Variants in PCDHA3 observed in about 807,000 individuals in gnomAD.
PCDHA3 encodes the protein protocadherin alpha-3.
A neutral mutation model predicts 62.2 loss-of-function variants in PCDHA3; 41 were observed. The observed-to-expected ratio is 0.66, with a 90% confidence interval of 0.51 to 0.86. PCDHA3 has a LOEUF of 0.86. PCDHA3 is among the 40% of genes least tolerant of loss of function. The pLI, the probability that PCDHA3 is intolerant of heterozygous loss-of-function variation, is 0.00. For missense variants in PCDHA3, 1,304 were observed against 1,241.2 expected (o/e 1.05, Z -0.76); for synonymous variants, 640 against 555.4 (o/e 1.15, Z -2.14).
intron 1 of PCDHA3, chr5:140,966,570 G>A: frequency 2.0e-6 from 1 of 501,774 alleles, no homozygotes; most frequent in Non-Finnish European, 3.3e-6. Context: ...GGAATATGGG[G>A]AGTCAGCGAG....
At position 140,897,620 on chromosome 5, in the gene PCDHA3, A is replaced by G. The variant is rs1317464980; in HGVS notation, c.2395-81329A>G. On this transcript the variant is annotated intron_variant, in intron 1 of 3. Coordinates refer to ENST00000522353, the MANE Select transcript of PCDHA3 (RefSeq NM_018906.3). Reference sequence around the variant, plus strand: ...ACATTTGGGTTGGTTCCAAGTCTTTACTATTGTGTATAGTGCCACAATAAA... The same window carrying G: ...ACATTTGGGTTGGTTCCAAGTCTTTGCTATTGTGTATAGTGCCACAATAAA... Among the ~76,000 whole-genome samples, 1,214 of 152,126 alleles carry G rather than the reference A, an allele frequency of 8.0e-3. 6 individuals are homozygous for G. The highest frequency in any genetic ancestry group is 0.019 in the African/African-American group (783 of 41,492).
At chr5:140,922,888 C>A (rs1584282377) in intron 1 of PCDHA3, among the ~76,000 whole-genome samples, 1 of 152,236 alleles carries the variant, frequency 6.6e-6, no homozygotes, top group South Asian at 2.1e-4. Flanking sequence ...AGACATCATT[C>A]AAGAAAAAAT....
At chr5:140,876,058 C>G in intron 1 of PCDHA3, 4 of 1,613,868 alleles carry the variant, frequency 2.5e-6, no homozygotes, top group Non-Finnish European at 3.4e-6. Flanking sequence ...TGAATTAGTT[C>G]TTCGGAAGTT....
At chr5:140,822,474 T>A in intron 1 of PCDHA3, 2 of 1,613,832 alleles carry the variant, frequency 1.2e-6, no homozygotes, top group South Asian at 2.2e-5. Context: ...ATGTATTGGA[T>A]GCTAATGATA....
At chr5:140,831,961 A>G (rs1331979824) in intron 1 of PCDHA3, among the ~76,000 whole-genome samples, 1 of 152,176 alleles carries the variant, frequency 6.6e-6, no homozygotes, top group Non-Finnish European at 1.5e-5. Flanking sequence ...ACTTTATGTC[A>G]TTTTATGCTA....
At chr5:140,829,853 G>GGCCAA (rs1554132325) in intron 1 of PCDHA3, 1 of 1,613,852 alleles carries the variant, frequency 6.2e-7, no homozygotes, top group East Asian at 2.2e-5. Context: ...ACTGGGTGCA[G>GGCCAA]GCCAAGTGGT....
chr5:141,006,405 C>A (rs782532612), intron 3 of PCDHA3, among the ~76,000 whole-genome samples: 1 of 151,798 alleles, frequency 6.6e-6, no homozygotes, highest in Non-Finnish European at 1.5e-5. Context: ...AGTAGAGACG[C>A]GGTTTCACTG....
chr5:140,973,815 A>C (rs2096603789), intron 1 of PCDHA3, among the ~76,000 whole-genome samples: 1 of 152,224 alleles, frequency 6.6e-6, no homozygotes, highest in African/African-American at 2.4e-5. Flanking sequence ...CAGAATAGCA[A>C]AGTCAGTTCT....
chr5:140,891,861 T>C (rs1346164388), intron 1 of PCDHA3, among the ~76,000 whole-genome samples: 1 of 152,174 alleles, frequency 6.6e-6, no homozygotes, highest in Non-Finnish European at 1.5e-5. Context: ...GTCCCTCTCT[T>C]ATGCTTTTGG....
Position 140,801,794 on chromosome 5 carries a change from T to A in PCDHA3, c.597T>A (p.Asn199Lys), listed in dbSNP as rs1439840316. Residue 199 changes from asparagine (N) to lysine (K), a missense_variant, in exon 1 of 4, where the codon AAT becomes AAA. Transcript: ENST00000522353. ...CCCTTGGACTCGTGTTGAAAAAAAATTTAAATCGAGAGGACACTCCTAAGC... is the reference window on the plus strand; with the variant it reads ...CCCTTGGACTCGTGTTGAAAAAAAAATTAAATCGAGAGGACACTCCTAAGC... ...IKSLGLVLKK[N>K]LNREDTPKHY... 2.5e-6 allele frequency: 4 copies of A among 1,613,862 alleles called. No homozygotes were observed. The highest frequency in any genetic ancestry group is 3.4e-6 in the Non-Finnish European group (4 of 1,179,976).
At chr5:140,858,437 G>C (rs1343643925) in intron 1 of PCDHA3, 1 of 1,541,950 alleles carries the variant, frequency 6.5e-7, no homozygotes, top group South Asian at 1.2e-5. Context: ...CTCTAGGAAG[G>C]TGGGTTATTA....
Position 140,842,679 on chromosome 5 carries a change from C to T in PCDHA3, c.2394+39088C>T, listed in dbSNP as rs2150341829. 264 of 1,595,330 alleles carry T rather than the reference C, an allele frequency of 1.7e-4. 16 individuals are homozygous for T. The South Asian group carries it at 1.9e-3, about 12-fold the overall frequency. ...GTGGCCGACGTGAACGACAATGCTCCGGCGTTCGCGCAGCCCGAGTACACG... is the reference window on the plus strand; with the variant it reads ...GTGGCCGACGTGAACGACAATGCTCTGGCGTTCGCGCAGCCCGAGTACACG... On this transcript the variant is annotated intron_variant, in intron 1 of 3. Coordinates refer to ENST00000522353, the MANE Select transcript of PCDHA3 (RefSeq NM_018906.3).
At chr5:140,836,112 G>A in intron 1 of PCDHA3, 2 of 1,613,758 alleles carry the variant, frequency 1.2e-6, no homozygotes, top group South Asian at 2.2e-5. Context: ...TGGTGGCGCA[G>A]TGAGAGAGCT....
chr5:140,916,957 T>C (rs1478651535), intron 1 of PCDHA3, among the ~76,000 whole-genome samples: 1 of 152,224 alleles, frequency 6.6e-6, no homozygotes, highest in African/African-American at 2.4e-5. Context: ...TGCTGAGTTC[T>C]GACTGCTGGG....
chr5:140,822,855 G>A (rs2150119838), intron 1 of PCDHA3: 1 of 1,614,216 alleles, frequency 6.2e-7, no homozygotes, highest in Non-Finnish European at 8.5e-7. Context: ...CTGTCAAAGA[G>A]GACGCTCCAC....
intron 1 of PCDHA3, among the ~76,000 whole-genome samples, chr5:140,878,826 C>G (rs1048428036): frequency 1.3e-5 from 2 of 152,182 alleles, no homozygotes; most frequent in Non-Finnish European, 2.9e-5. Flanking sequence ...CTATGTTGCA[C>G]AGGCTGGACT....
chr5:140,853,435 A>G lies in PCDHA3; in HGVS notation c.2394+49844A>G, dbSNP rs2150531946. ...GTGAAAGCAGAAGAGACACTTTCCTATTTTGCCTAATAGGTCTCCTTATAT... is the reference window on the plus strand; with the variant it reads ...GTGAAAGCAGAAGAGACACTTTCCTGTTTTGCCTAATAGGTCTCCTTATAT... On this transcript the variant is annotated intron_variant, in intron 1 of 3. Coordinates refer to ENST00000522353, the MANE Select transcript of PCDHA3 (RefSeq NM_018906.3). 6.1e-5 allele frequency: 60 copies of G among 984,096 alleles called. 8 individuals carry two copies. Among genetic ancestry groups the G allele is most frequent in the Non-Finnish European group, 6.7e-5 (55 of 816,498 alleles). The allele number at this position is 984,096 out of a possible 1,614,324, so 61.0% of individuals were successfully genotyped here.
At chr5:140,969,529 T>G in intron 1 of PCDHA3, 7 of 1,377,800 alleles carry the variant, frequency 5.1e-6, no homozygotes, top group Non-Finnish European at 6.8e-6. Flanking sequence ...GTTTTATTTT[T>G]CATTTTCAGA....
intron 1 of PCDHA3, among the ~76,000 whole-genome samples, chr5:140,933,130 A>G (rs2088870055): frequency 6.6e-6 from 1 of 151,994 alleles, no homozygotes; most frequent in Non-Finnish European, 1.5e-5. Context: ...CTAAATAATA[A>G]AGGTAGATAG....
Sources: gnomAD v4.1 joint callset for allele counts (sites outside exome capture counted in the v4.1 genomes callset) on GRCh38, gnomAD v4.1.1 for gene constraint, MANE v1.5 for transcripts, NCBI Gene and HGNC (gene_info 2026-07-23, HGNC 2026-07-21) for gene names.